The following SLC7A11 variants were observed in gnomAD, a reference collection of about 807,000 sequenced individuals.
The protein encoded by SLC7A11 is cystine/glutamate transporter.
A neutral mutation model predicts 54.5 loss-of-function variants in SLC7A11; 35 were observed. That is an observed-to-expected ratio of 0.64 (90% CI 0.49 to 0.85). The LOEUF is 0.85. Among genes scored for constraint, SLC7A11 ranks in the 40% least tolerant of loss-of-function variants. The pLI is 0.00. For synonymous variants in SLC7A11, 230 were observed against 225.2 expected, an observed-to-expected ratio of 1.02 and a Z score of -0.19; for missense variants, 583 against 618.1, an observed-to-expected ratio of 0.94 and a Z score of 0.60.
intron 5 of SLC7A11, among the ~76,000 whole-genome samples, chr4:138,216,542 C>G (rs1737685610): frequency 6.6e-6 from 1 of 152,118 alleles, no homozygotes; most frequent in African/African-American, 2.4e-5. Flanking sequence ...TGTGACCTGA[C>G]TGGGTTAATG....
Position 138,179,201 on chromosome 4 carries a change from T to C in SLC7A11, c.1444+16A>G. 1 of 1,541,856 alleles carries C rather than the reference T, an allele frequency of 6.5e-7. No individual in the cohort carries two copies. Among genetic ancestry groups the C allele is most frequent in the Non-Finnish European group, 9.0e-7 (1 of 1,115,586 alleles). On this transcript the variant is annotated intron_variant, in intron 11 of 11. Coordinates refer to ENST00000280612, the MANE Select transcript of SLC7A11 (RefSeq NM_014331.4). ...ATGGTGTTGCACAATGTCCTGAAAG[T>C]ATTTAAAATTCTTACCCGACATTAT...
At position 138,223,588 on chromosome 4, in the gene SLC7A11, T is replaced by G. The variant is rs72935807; in HGVS notation, c.521-264A>C. Among the ~76,000 whole-genome samples the G allele has an allele frequency of 8.6e-3, 1,305 of 152,308 alleles. 20 individuals carry two copies. The highest frequency in any genetic ancestry group is 0.029 in the African/African-American group (1,187 of 41,578). On this transcript the variant is annotated intron_variant, in intron 3 of 11. Transcript: ENST00000280612. ...TGGACAATAAGAATTCTTCTCTTGT[T>G]CTTTGTATGTAAGAGTGGACATATA...
chr4:138,189,186 T>C (rs1736949720), intron 6 of SLC7A11, among the ~76,000 whole-genome samples: 1 of 152,100 alleles, frequency 6.6e-6, no homozygotes, highest in Non-Finnish European at 1.5e-5. Flanking sequence ...TCCCCAGAAA[T>C]GAAAATGGCC....
At chr4:138,188,116 T>G (rs759011872) in intron 6 of SLC7A11, among the ~76,000 whole-genome samples, 1 of 152,148 alleles carries the variant, frequency 6.6e-6, no homozygotes, top group Non-Finnish European at 1.5e-5. Flanking sequence ...CAGACTTGAG[T>G]GCAGGGGCAC....
At chr4:138,178,817 ACTGCC>A (rs1396181007) in intron 11 of SLC7A11, among the ~76,000 whole-genome samples, 2 of 152,174 alleles carry the variant, frequency 1.3e-5, no homozygotes, top group Admixed American at 1.3e-4. Flanking sequence ...TTTGCAGGCC[ACTGCC>A]TAACTCCCCA....
At chr4:138,237,782 A>T (rs1247692704) in intron 1 of SLC7A11, among the ~76,000 whole-genome samples, 2 of 89,040 alleles carry the variant, frequency 2.2e-5, no homozygotes, top group Admixed American at 1.7e-4. Context: ...ATGGAGTCTC[A>T]CTCTGTCCCC....
chr4:138,182,455 C>CA (rs111943478), intron 8 of SLC7A11, 62 bp from the exon 9 acceptor site: 25,730 of 1,009,244 alleles, frequency 0.025, 424 homozygotes, highest in Non-Finnish European at 0.027. Context: ...AGGGAAAATC[C>CA]AAAAATCCCA....
At chr4:138,227,557 T>G (rs2148449495) in intron 3 of SLC7A11, among the ~76,000 whole-genome samples, 1 of 152,346 alleles carries the variant, frequency 6.6e-6, no homozygotes, top group East Asian at 1.9e-4. Context: ...TTTTATTGGC[T>G]TTATTTTTCA....
intron 5 of SLC7A11, among the ~76,000 whole-genome samples, chr4:138,215,448 T>C (rs1175576964): frequency 6.6e-6 from 1 of 152,256 alleles, no homozygotes; most frequent in South Asian, 2.1e-4. Flanking sequence ...TCTTGCTCCA[T>C]CTTTATAAAA....
intron 6 of SLC7A11, among the ~76,000 whole-genome samples, chr4:138,205,738 C>T (rs1479741956): frequency 3.9e-5 from 6 of 152,042 alleles, no homozygotes; most frequent in South Asian, 2.1e-4. Flanking sequence ...AGGTAGCTTA[C>T]GTGCATAAAT....
intron 3 of SLC7A11, among the ~76,000 whole-genome samples, chr4:138,225,138 C>CTATATA (rs36216785): frequency 0.021 from 2,446 of 118,154 alleles, 28 homozygotes; most frequent in Non-Finnish European, 0.024. Flanking sequence ...AATAATTTCA[C>CTATATA]TATATATATA....
intron 2 of SLC7A11, among the ~76,000 whole-genome samples, chr4:138,235,742 T>A (rs1738192604): frequency 6.6e-6 from 1 of 152,222 alleles, no homozygotes; most frequent in African/African-American, 2.4e-5. Context: ...CAAGCAGGAA[T>A]GTAAACACAT....
intron 11 of SLC7A11, chr4:138,175,645 TTTC>T (rs1736553009): frequency 6.6e-6 from 1 of 152,166 alleles, no homozygotes; most frequent in Admixed American, 6.5e-5. Context: ...AAGAGCATGT[TTTC>T]TTTTCTCCCT....
chr4:138,225,515 T>C (rs1263497212), intron 3 of SLC7A11, among the ~76,000 whole-genome samples: 4 of 152,028 alleles, frequency 2.6e-5, no homozygotes, highest in African/African-American at 9.7e-5. Context: ...AAGTGCATTA[T>C]TTTATCAGAG....
intron 6 of SLC7A11, among the ~76,000 whole-genome samples, chr4:138,212,419 T>A (rs1737571337): frequency 6.6e-6 from 1 of 151,844 alleles, no homozygotes; most frequent in African/African-American, 2.4e-5. Flanking sequence ...CTAAAGCACT[T>A]TATGCATATT....
intron 2 of SLC7A11, among the ~76,000 whole-genome samples, chr4:138,232,706 G>A (rs1738110999): frequency 6.6e-6 from 1 of 152,154 alleles, no homozygotes; most frequent in Non-Finnish European, 1.5e-5. Context: ...CTTACAGGAA[G>A]CCATCTTCTT....
chr4:138,209,127 T>C (rs1211782739), intron 6 of SLC7A11, among the ~76,000 whole-genome samples: 1 of 152,032 alleles, frequency 6.6e-6, no homozygotes, highest in Non-Finnish European at 1.5e-5. Context: ...CTGAATTCTA[T>C]ATATTTTAAT....
intron 6 of SLC7A11, among the ~76,000 whole-genome samples, chr4:138,192,579 T>A (rs1737036965): frequency 8.2e-6 from 1 of 121,510 alleles, no homozygotes; most frequent in Non-Finnish European, 1.9e-5. Context: ...CCTCATTATA[T>A]CAAGACTTTT....
rs908380906 is a variant in SLC7A11, at chr4:138,171,176, C to G, written c.*780G>C. ...ATGAGGATTTAATACCAAACTAACT[C>G]TTGCTCTAAGATGTGTTATACACTT... On this transcript the variant is annotated 3_prime_UTR_variant, in exon 12 of 12. Transcript: ENST00000280612. 1.3e-5 allele frequency: 2 copies of G among 151,910 alleles called. No homozygotes were observed. The highest frequency in any genetic ancestry group is 6.6e-5 in the Admixed American group (1 of 15,238). The allele number at this position is 151,910 out of a possible 1,614,324, so 9.4% of individuals were successfully genotyped here.
Sources: allele counts gnomAD v4.1 joint callset (sites outside exome capture counted in the v4.1 genomes callset), GRCh38; gene constraint gnomAD v4.1.1; transcripts MANE v1.5; gene names NCBI Gene and HGNC (gene_info 2026-07-23, HGNC 2026-07-21).